Variants in NKX2-2 observed in about 807,000 individuals in gnomAD.
NKX2-2 encodes the protein NK2 homeobox 2, also known as homeobox protein Nkx-2.2.
In NKX2-2, 8 loss-of-function variants were observed where a neutral mutation model predicts 24.6. The observed-to-expected ratio is 0.32, with a 90% CI of 0.19 to 0.59. NKX2-2 has a LOEUF of 0.59. Ranked by LOEUF, NKX2-2 falls within the 20% of genes least tolerant of loss-of-function variation. NKX2-2 has a pLI of 0.86. For missense variants in NKX2-2, 381 were observed against 373.9 expected, an observed-to-expected ratio of 1.02 and a Z score of -0.16; for synonymous variants, 217 against 173.3, an observed-to-expected ratio of 1.25 and a Z score of -1.98.
In NKX2-2 at chr20:21,512,147, G is replaced by T. The variant is rs372244036; in HGVS notation, c.598C>A (p.Pro200Thr). 2.5e-6 allele frequency: 4 copies of T among 1,613,622 alleles called. No individual in the cohort carries two copies. The Admixed American group carries it at 5.0e-5, about 20-fold the overall frequency. The change falls in exon 2 of 2, where the codon CCG becomes ACG. Residue 200 changes from proline (P) to threonine (T), a missense_variant. By Grantham distance (38) the Pro-to-Thr change is conservative (BLOSUM62 -1). Coordinates refer to ENST00000377142, the MANE Select transcript of NKX2-2 (RefSeq NM_002509.4). Reference protein sequence around the residue: ...KGMEVTPLPSPRRVAVPVLVR... With the variant: ...KGMEVTPLPSTRRVAVPVLVR... ...AAGACGGGCACGGCCACCCGGCGCG[G>T]CGAGGGCAGGGGCGTCACCTCCATA... is the stretch of plus-strand genomic sequence containing the variant.
In NKX2-2 at chr20:21,512,749, G is replaced by T. The variant is rs111625848; in HGVS notation, c.260-264C>A. ...TCACATAGTGTGGGTGAGAATTTGGGGGGGGAAGTGGCACTGAAGATCATC... is the reference window on the plus strand; with the variant it reads ...TCACATAGTGTGGGTGAGAATTTGGTGGGGGAAGTGGCACTGAAGATCATC... On this transcript the variant is annotated intron_variant, in intron 1 of 1. Transcript: ENST00000377142. Among the ~76,000 whole-genome samples the T allele has an allele frequency of 1.1e-4, 16 of 152,168 alleles. No homozygotes were observed. In the East Asian group the frequency reaches 1.7e-3, roughly 17 times the overall value.
rs371257647 is a variant in NKX2-2 at position 21,513,661 on chromosome 20, C to T, written c.9G>A (p.Leu3=). The T allele has an allele frequency of 2.5e-6, 4 of 1,569,220 alleles. No individual in the cohort carries two copies. The highest frequency in any genetic ancestry group is 2.6e-6 in the Non-Finnish European group (3 of 1,161,154). The part of the protein sequence containing the change: MS[L]TNTKTGFSVK... ...CCGAAAACCCCGTCTTTGTGTTGGT[C>T]AGCGACATGGTTCGAGACCCCAAAA... Residue 3 remains leucine, a synonymous_variant, in exon 1 of 2, where the codon CTG becomes CTA. Coordinates refer to ENST00000377142, the MANE Select transcript of NKX2-2 (RefSeq NM_002509.4). This position sits in a 1 kb window ranked among gnomAD's most constrained non-coding sequence, Gnocchi z 4.6.
upstream of NKX2-2, among the ~76,000 whole-genome samples, chr20:21,515,386 C>A (rs377311560): frequency 2.6e-5 from 4 of 152,166 alleles, no homozygotes; most frequent in African/African-American, 9.6e-5. Context: ...TTCTCCCACG[C>A]GAGTTCTTTA....
the NKX2-2 span, among the ~76,000 whole-genome samples, chr20:21,519,214 T>G: frequency 6.6e-6 from 1 of 152,252 alleles, no homozygotes; most frequent in African/African-American, 2.4e-5. Context: ...TCGTCTTTTT[T>G]TTGGAATGAA....
upstream of NKX2-2, among the ~76,000 whole-genome samples, chr20:21,515,791 G>C (rs554723803): frequency 1.3e-5 from 2 of 152,224 alleles, no homozygotes; most frequent in African/African-American, 4.8e-5. Flanking sequence ...TCCTCCTCGC[G>C]CGCAGCTGCA....
chr20:21,516,436 C>A (rs995453184), upstream of NKX2-2, among the ~76,000 whole-genome samples: 5 of 150,742 alleles, frequency 3.3e-5, no homozygotes, highest in African/African-American at 9.8e-5. Flanking sequence ...TTTCTCAGCG[C>A]CCCCCCTCCT....
Position 21,512,458 on chromosome 20 carries a change from G to A in NKX2-2, c.287C>T (p.Pro96Leu), listed in dbSNP as rs766535943. ...CGGGGACTTGGAGCTTGAGTCCTGA[G>A]GGGGCGCCCCGGCAGCCAGACCGTG... ...SLHGLAAGAP[P>L]QDSSSKSPEP... Residue 96 changes from proline (P) to leucine (L), a missense_variant, in exon 2 of 2, where the codon CCT (proline) becomes CTT (leucine). This residue lies in a region of NKX2-2 where 206 missense variants were observed against 173.1 expected (regional missense o/e 1.19). Coordinates refer to ENST00000377142, the MANE Select transcript of NKX2-2 (RefSeq NM_002509.4). 2.5e-6 allele frequency: 4 copies of A among 1,581,026 alleles called. No homozygotes were observed. The highest frequency in any genetic ancestry group is 2.3e-5 in the East Asian group (1 of 44,232).
chr20:21,522,603 A>AGC, the NKX2-2 span, among the ~76,000 whole-genome samples: 1 of 151,814 alleles, frequency 6.6e-6, no homozygotes, highest in East Asian at 1.9e-4. Flanking sequence ...CGGCTGGGCG[A>AGC]GCGCGCAGGT....
At chr20:21,517,542 T>C (rs908700441), upstream of NKX2-2, among the ~76,000 whole-genome samples, 6 of 152,256 alleles carry the variant, frequency 3.9e-5, no homozygotes, top group African/African-American at 1.4e-4. Context: ...AGGTCCGTAA[T>C]TGAAGGGGAG....
At position 21,514,000 on chromosome 20, in the gene NKX2-2, G is replaced by T. The variant is rs1037742960; in HGVS notation, c.-331C>A. The T allele has an allele frequency of 5.7e-6, 1 of 176,850 alleles. No homozygotes were observed. The highest frequency in any genetic ancestry group is 1.4e-4 in the East Asian group (1 of 6,976). The allele number at this position is 176,850 out of a possible 1,614,324, so 11.0% of individuals were successfully genotyped here. On this transcript the variant is annotated 5_prime_UTR_variant, in exon 1 of 2. Transcript: ENST00000377142. The surrounding 1 kb of genome is among the most constrained non-coding windows in gnomAD (Gnocchi z 4.6). ...CTAACTCCAGGAGGGGTGCCAAGGCGGCGTCAGCTCGGGCTCCGGCGGCCG... is the reference window on the plus strand; with the variant it reads ...CTAACTCCAGGAGGGGTGCCAAGGCTGCGTCAGCTCGGGCTCCGGCGGCCG...
Position 21,512,055 on chromosome 20 carries a change from C to G in NKX2-2, c.690G>C (p.Ala230=). ...AQDLAAATFQ[A]GIPFSAYSAQ... is the part of the protein sequence containing the mutation. The stretch of plus-strand genomic sequence containing the variant: ...CGCTGTAGGCAGAAAAGGGAATGCC[C>G]GCCTGGAAGGTGGCGGCTGCCAGGT... Residue 230 remains alanine, a synonymous_variant, in exon 2 of 2, where the codon GCG becomes GCC. Transcript: ENST00000377142. 6 of 1,613,766 alleles carry G rather than the reference C, an allele frequency of 3.7e-6. No homozygotes were observed. The East Asian group carries it at 1.1e-4, about 30-fold the overall frequency.
At chr20:21,512,610 C>T (rs1490262780) in intron 1 of NKX2-2, 125 bp from the exon 2 acceptor site, 1 of 722,158 alleles carries the variant, frequency 1.4e-6, no homozygotes, top group African/African-American at 1.8e-5. Context: ...CCCAGCCCCG[C>T]TGCCTTTGCC....
Position 21,511,911 on chromosome 20 carries a change from T to G in NKX2-2, c.*12A>C. 6.4e-7 allele frequency: 1 copy of G among 1,557,998 alleles called. No homozygotes were observed. ...CCTGGGCCTGGGGCCGCGAGTCTCG[T>G]TGGGGCGGCGCTCACCAAGTCCACT... On this transcript the variant is annotated 3_prime_UTR_variant, in exon 2 of 2. Transcript: ENST00000377142.
the NKX2-2 span, among the ~76,000 whole-genome samples, chr20:21,519,133 C>G: frequency 1.3e-5 from 2 of 152,214 alleles, no homozygotes; most frequent in Non-Finnish European, 2.9e-5. Context: ...AAAGCGCTTC[C>G]AATCATTAAA....
chr20:21,516,807 C>T (rs1980651672), upstream of NKX2-2, among the ~76,000 whole-genome samples: 1 of 152,124 alleles, frequency 6.6e-6, no homozygotes. Flanking sequence ...TCGCATATCC[C>T]CAGAGCCCTC....
At chr20:21,514,707 G>T (rs1256116216), upstream of NKX2-2, among the ~76,000 whole-genome samples, 4 of 152,200 alleles carry the variant, frequency 2.6e-5, no homozygotes, top group Admixed American at 2.6e-4. Flanking sequence ...CATCGTTGGT[G>T]GTTGCCTAAA....
In NKX2-2 at chr20:21,511,823, A is replaced by T. The variant is rs1014840048; in HGVS notation, c.*100T>A. 1.2e-5 allele frequency: 9 copies of T among 742,226 alleles called. No homozygotes were observed. In the South Asian group the frequency reaches 2.3e-4, roughly 19 times the overall value. The allele number at this position is 742,226 out of a possible 1,614,324, so 46.0% of individuals were successfully genotyped here. A position where few individuals can be genotyped will look rare whatever the true frequency, so the allele number is the denominator to read the frequency against. ...AACTCGACTCCATAATAATAATTAT[A>T]ATAATAATAATAACCACCATAAGGA... is the stretch of plus-strand genomic sequence containing the variant. On this transcript the variant is annotated 3_prime_UTR_variant, in exon 2 of 2. Transcript: ENST00000377142.
chr20:21,518,692 C>A (rs752673988), upstream of NKX2-2, among the ~76,000 whole-genome samples: 8 of 152,242 alleles, frequency 5.3e-5, no homozygotes, highest in Non-Finnish European at 1.2e-4. Flanking sequence ...CCAGAGGCAC[C>A]CTGCTTTCCC....
rs56270258 is a variant in NKX2-2, at chr20:21,511,115, C to T, written c.*808G>A. On this transcript the variant is annotated 3_prime_UTR_variant, in exon 2 of 2. Coordinates refer to ENST00000377142, the MANE Select transcript of NKX2-2 (RefSeq NM_002509.4). ...GCTGTTGGGGAACCGCGCCGAATAG[C>T]TGAGCTCCAAGTTCGGGGCTGAAGG... 6.6e-6 allele frequency: 1 copy of T among 152,626 alleles called. No individual in the cohort carries two copies. Among genetic ancestry groups the T allele is most frequent in the African/African-American group, 2.4e-5 (1 of 41,466 alleles). 9.5% of individuals were successfully genotyped at this position (152,626 alleles called of 1,614,324 possible). A position where few individuals can be genotyped will look rare whatever the true frequency, so the allele number is the denominator to read the frequency against.
Sources: gnomAD v4.1 joint callset for allele counts (sites outside exome capture counted in the v4.1 genomes callset) on GRCh38, gnomAD v4.1.1 for gene constraint, gnomAD v4.1.1 regional missense constraint, Gnocchi (gnomAD v3.1) non-coding constraint, MANE v1.5 for transcripts, NCBI Gene and HGNC (gene_info 2026-07-23, HGNC 2026-07-21) for gene names.